LMF1: variants seen among roughly 807,000 people sequenced by gnomAD.
LMF1 encodes lipase maturation factor 1, also known as transmembrane protein 112.
Under a neutral mutation model 60.6 loss-of-function variants are expected in LMF1, and 68 were observed. The observed-to-expected ratio is 1.12, with a 90% CI of 0.92 to 1.37. LMF1 has a LOEUF of 1.37. Among genes scored for constraint, LMF1 ranks in the 40% most tolerant of loss-of-function variants. The pLI, the probability that LMF1 is intolerant of heterozygous loss-of-function variation, is 0.00. For synonymous variants in LMF1, 418 were observed against 324.7 expected, an observed-to-expected ratio of 1.29 and a Z score of -3.09; for missense variants, 948 against 767.2, an observed-to-expected ratio of 1.24 and a Z score of -2.78.
chr16:978,740 G>A (rs1465035518), intron 1 of LMF1, among the ~76,000 whole-genome samples: 2 of 152,134 alleles, frequency 1.3e-5, no homozygotes. Context: ...GGGTGGGGCA[G>A]GGATGGGAGA....
In LMF1 at chr16:897,255, CTG is replaced by C. The variant is rs1008803905; in HGVS notation, c.664-4185_664-4184del. On this transcript the variant is annotated intron_variant, in intron 4 of 10. Transcript: ENST00000262301. The surrounding 1 kb of genome is among the most constrained non-coding windows in gnomAD (Gnocchi z 4.3). ...GGTCGTATGCGGAGAAGGAGACACT[CTG>C]TGGAGACCCCGCTTCTCTCACTTGG... Among the ~76,000 whole-genome samples, 5 of 152,350 alleles carry C rather than the reference CTG, an allele frequency of 3.3e-5. No individual in the cohort carries two copies. The South Asian group carries it at 1.0e-3, about 32-fold the overall frequency.
intron 1 of LMF1, among the ~76,000 whole-genome samples, chr16:957,795 G>A (rs1017536440): frequency 2.0e-5 from 3 of 152,044 alleles, no homozygotes; most frequent in African/African-American, 4.8e-5. Context: ...CCCCCGACCC[G>A]ACACACAGAG....
intron 3 of LMF1, chr16:931,851 A>G (rs1392733198): frequency 4.0e-6 from 5 of 1,257,750 alleles, no homozygotes; most frequent in African/African-American, 1.5e-5. Flanking sequence ...GGCGGAAAAC[A>G]TTAACATTAA....
chr16:858,833 C>G (rs1596829029), intron 10 of LMF1, among the ~76,000 whole-genome samples: 2 of 73,764 alleles, frequency 2.7e-5, no homozygotes. Flanking sequence ...AGTGGTGTCA[C>G]GGGACGGGTG....
At chr16:947,120 G>C (rs2072256018) in intron 2 of LMF1, among the ~76,000 whole-genome samples, 1 of 152,246 alleles carries the variant, frequency 6.6e-6, no homozygotes, top group African/African-American at 2.4e-5. Context: ...ACACGACCAT[G>C]ACCCGGCTGA....
intron 5 of LMF1, among the ~76,000 whole-genome samples, chr16:880,231 G>T (rs867793740): frequency 1.2e-4 from 19 of 152,074 alleles, no homozygotes; most frequent in Middle Eastern, 3.4e-3. Context: ...CCCGGGTCCC[G>T]AGCCCAGCTC....
chr16:898,111 G>T, intron 4 of LMF1, among the ~76,000 whole-genome samples: 1 of 152,228 alleles, frequency 6.6e-6, no homozygotes, highest in East Asian at 1.9e-4. Flanking sequence ...CCTGATGAAG[G>T]GGACCCAGGT....
intron 3 of LMF1, among the ~76,000 whole-genome samples, chr16:918,703 A>G (rs2071345005): frequency 6.8e-6 from 1 of 146,820 alleles, no homozygotes; most frequent in Non-Finnish European, 1.5e-5. Flanking sequence ...GCCTTGAGGC[A>G]CTCAAAGGCA....
chr16:947,740 C>G (rs931047917), intron 2 of LMF1: 1 of 365,262 alleles, frequency 2.7e-6, no homozygotes, highest in African/African-American at 2.1e-5. Context: ...CAAAGCCAAG[C>G]GCGGATGACA....
chr16:876,781 A>G (rs954666445), intron 6 of LMF1, among the ~76,000 whole-genome samples: 4 of 151,992 alleles, frequency 2.6e-5, no homozygotes, highest in Non-Finnish European at 4.4e-5. Context: ...CCAAACTGAG[A>G]CCTTCAGTAA....
At chr16:892,309 C>T (rs1288874598) in intron 5 of LMF1, among the ~76,000 whole-genome samples, 1 of 152,218 alleles carries the variant, frequency 6.6e-6, no homozygotes, top group East Asian at 1.9e-4. Flanking sequence ...GCTCTAGGTG[C>T]ACCGTGGCCA....
At chr16:908,561 C>T (rs1454548716) in intron 4 of LMF1, among the ~76,000 whole-genome samples, 1 of 152,244 alleles carries the variant, frequency 6.6e-6, no homozygotes, top group African/African-American at 2.4e-5. Context: ...TGGGGGCCTG[C>T]TCGTGCCCTC....
intron 10 of LMF1, chr16:855,084 G>C (rs1288130370): frequency 5.9e-6 from 2 of 339,064 alleles, no homozygotes; most frequent in African/African-American, 4.2e-5. Context: ...CCCCCGCCTG[G>C]GAAGGTGGGG....
At chr16:862,839 CAG>C (rs34651059) in intron 10 of LMF1, among the ~76,000 whole-genome samples, 15,981 of 152,082 alleles carry the variant, frequency 0.11, 2,643 homozygotes, top group African/African-American at 0.35. Context: ...GCCTGGGTGA[CAG>C]AGAGTGAGAA....
At chr16:879,346 A>C (rs2070091192) in intron 6 of LMF1, among the ~76,000 whole-genome samples, 1 of 152,120 alleles carries the variant, frequency 6.6e-6, no homozygotes. Flanking sequence ...TCTTGGGAGG[A>C]GCCAGTCCTT....
chr16:929,077 T>C (rs8047560), intron 3 of LMF1, among the ~76,000 whole-genome samples: 19 of 152,024 alleles, frequency 1.2e-4, no homozygotes, highest in African/African-American at 4.6e-4. Context: ...GAGTGTCTCC[T>C]TCCCCTGGTC....
At chr16:922,084 C>T (rs111418252) in intron 3 of LMF1, among the ~76,000 whole-genome samples, 10,301 of 152,080 alleles carry the variant, frequency 0.068, 395 homozygotes, top group Non-Finnish European at 0.089. Flanking sequence ...TCCAGAGAGA[C>T]GCATTCCAAG....
At chr16:892,674 G>A (rs1172651547) in intron 5 of LMF1, among the ~76,000 whole-genome samples, 1 of 152,246 alleles carries the variant, frequency 6.6e-6, no homozygotes, top group East Asian at 1.9e-4. Flanking sequence ...CACCTGTCAG[G>A]GGACGGTGGG....
chr16:870,996 G>A (rs534297939), intron 7 of LMF1, 114 bp from the exon 8 acceptor site: 22 of 1,435,126 alleles, frequency 1.5e-5, no homozygotes, highest in East Asian at 2.5e-5. Flanking sequence ...CCCGGGGACG[G>A]AGCAGCACCC....
Sources: allele counts gnomAD v4.1 joint callset (sites outside exome capture counted in the v4.1 genomes callset), GRCh38; gene constraint gnomAD v4.1.1; non-coding constraint Gnocchi (gnomAD v3.1); transcripts MANE v1.5; gene names NCBI Gene and HGNC (gene_info 2026-07-23, HGNC 2026-07-21).